Variants in MECOM observed in about 807,000 individuals in gnomAD.
The protein encoded by MECOM is MDS1 and EVI1 complex locus.
MECOM carries 13 observed loss-of-function variants against 116.3 expected under a neutral mutation model. The observed-to-expected ratio is 0.11, with a 90% confidence interval of 0.07 to 0.18. The LOEUF (loss-of-function observed/expected upper bound fraction) is 0.18, where lower values mean the gene tolerates loss of function less well. Among genes scored for constraint, MECOM ranks in the 10% least tolerant of loss-of-function variants. The probability of loss-of-function intolerance (pLI) is 1.00; values close to 1 mark genes in which losing one functional copy is unlikely to be tolerated. For missense variants in MECOM, 1,299 were observed against 1,509.0 expected (o/e 0.86, Z 2.31); for synonymous variants, 528 against 535.2 (o/e 0.99, Z 0.19).
At chr3:169,293,957 G>A (rs1438565497) in intron 2 of MECOM, among the ~76,000 whole-genome samples, 3 of 152,132 alleles carry the variant, frequency 2.0e-5, no homozygotes, top group Admixed American at 1.3e-4. Flanking sequence ...AATCATTCTT[G>A]CATTTTCTAT....
chr3:169,148,434 C>A (rs1418912290), intron 2 of MECOM, among the ~76,000 whole-genome samples: 6 of 152,034 alleles, frequency 3.9e-5, no homozygotes, highest in African/African-American at 1.2e-4. Context: ...ACAGGGGATA[C>A]ATAGCAAAAC....
intron 3 of MECOM, among the ~76,000 whole-genome samples, chr3:169,138,786 ATAGC>A: frequency 6.6e-6 from 1 of 152,164 alleles, no homozygotes; most frequent in East Asian, 1.9e-4. Flanking sequence ...TGCAGTATAC[ATAGC>A]TAATCTACCT....
chr3:169,527,194 T>C (rs1472582806), intron 1 of MECOM, among the ~76,000 whole-genome samples: 1 of 152,124 alleles, frequency 6.6e-6, no homozygotes, highest in Non-Finnish European at 1.5e-5. Context: ...AACCTTTGTA[T>C]GTTGGAGAAG....
At chr3:169,349,756 G>A (rs1214239323) in intron 2 of MECOM, among the ~76,000 whole-genome samples, 1 of 151,922 alleles carries the variant, frequency 6.6e-6, no homozygotes, top group African/African-American at 2.4e-5. Context: ...GAAAAATGCA[G>A]AAGAATGAAC....
chr3:169,112,079 T>C (rs2149042582), intron 9 of MECOM, among the ~76,000 whole-genome samples: 1 of 152,312 alleles, frequency 6.6e-6, no homozygotes, highest in Admixed American at 6.5e-5. Context: ...AAGATGTTTA[T>C]ATACCGTATT....
At chr3:169,270,395 CTATCTATA>C (rs1320461996) in intron 2 of MECOM, among the ~76,000 whole-genome samples, 1 of 151,966 alleles carries the variant, frequency 6.6e-6, no homozygotes, top group African/African-American at 2.4e-5. Context: ...ATCTATCTAT[CTATCTATA>C]TATACTTATA....
chr3:169,305,437 G>T (rs1717496672), intron 2 of MECOM, among the ~76,000 whole-genome samples: 1 of 152,056 alleles, frequency 6.6e-6, no homozygotes, highest in Admixed American at 6.6e-5. Flanking sequence ...CCCAACACAA[G>T]GAAGCCCAAA....
intron 1 of MECOM, among the ~76,000 whole-genome samples, chr3:169,517,753 G>T (rs1756818861): frequency 1.3e-5 from 2 of 152,130 alleles, no homozygotes; most frequent in African/African-American, 4.8e-5. Flanking sequence ...AAAGCCCAAG[G>T]ATTTCCATCC....
intron 1 of MECOM, among the ~76,000 whole-genome samples, chr3:169,495,932 T>C (rs533399477): frequency 1.3e-5 from 2 of 152,324 alleles, no homozygotes; most frequent in African/African-American, 4.8e-5. Context: ...TCATGAGCTA[T>C]ACCTGTAAAG....
chr3:169,663,507 T>G lies in MECOM; in HGVS notation c.-135A>C. 2 of 672,608 alleles carry G rather than the reference T, an allele frequency of 3.0e-6. No homozygotes were observed. Among genetic ancestry groups the G allele is most frequent in the South Asian group, 1.8e-5 (1 of 54,468 alleles). The allele number at this position is 672,608 out of a possible 1,614,324, so 41.7% of individuals were successfully genotyped here. ...CTCTCTCTCTCTCTCTCTCTCTCTC[T>G]CTCTCTCTCTCTCTCTCTCTCTCCC... On this transcript the variant is annotated 5_prime_UTR_variant, in exon 1 of 17. Coordinates refer to ENST00000651503, the MANE Select transcript of MECOM (RefSeq NM_004991.4).
At chr3:169,239,659 T>A (rs1022009065) in intron 2 of MECOM, among the ~76,000 whole-genome samples, 3 of 152,066 alleles carry the variant, frequency 2.0e-5, no homozygotes, top group Non-Finnish European at 4.4e-5. Flanking sequence ...AGCTTACCAT[T>A]TCTGTGTCAT....
intron 1 of MECOM, among the ~76,000 whole-genome samples, chr3:169,502,579 G>T (rs9861227): frequency 6.6e-6 from 1 of 152,062 alleles, no homozygotes; most frequent in Non-Finnish European, 1.5e-5. Context: ...ACCCAGAGTT[G>T]CTCAATGAAC....
At chr3:169,175,826 C>T (rs1250589716) in intron 2 of MECOM, among the ~76,000 whole-genome samples, 1 of 152,120 alleles carries the variant, frequency 6.6e-6, no homozygotes, top group Non-Finnish European at 1.5e-5. Context: ...TCTTCTCTTC[C>T]TTCTATGGCA....
chr3:169,300,128 G>A (rs1268917513), intron 2 of MECOM, among the ~76,000 whole-genome samples: 4 of 152,132 alleles, frequency 2.6e-5, no homozygotes, highest in African/African-American at 7.2e-5. Context: ...TCAGATTTAT[G>A]TCAGCCTAAG....
chr3:169,454,199 A>G (rs565682546), intron 1 of MECOM, among the ~76,000 whole-genome samples: 1 of 152,302 alleles, frequency 6.6e-6, no homozygotes, highest in East Asian at 1.9e-4. Flanking sequence ...CAAGCGAGTA[A>G]TTTGTCATAC....
At chr3:169,463,658 G>A (rs1747811815) in intron 1 of MECOM, among the ~76,000 whole-genome samples, 1 of 152,130 alleles carries the variant, frequency 6.6e-6, no homozygotes, top group African/African-American at 2.4e-5. Flanking sequence ...GAGAAATTCT[G>A]TGTAACTTGT....
At chr3:169,461,662 G>A (rs555674660) in intron 1 of MECOM, among the ~76,000 whole-genome samples, 1 of 152,046 alleles carries the variant, frequency 6.6e-6, no homozygotes, top group African/African-American at 2.4e-5. Context: ...CTCCATTTTT[G>A]AAAAAATAAA....
chr3:169,321,181 A>C (rs1243982228), intron 2 of MECOM, among the ~76,000 whole-genome samples: 2 of 152,242 alleles, frequency 1.3e-5, no homozygotes, highest in Admixed American at 6.5e-5. Flanking sequence ...TATTGGACAA[A>C]AAATATAAAC....
chr3:169,637,127 C>A (rs1024424728), intron 1 of MECOM, among the ~76,000 whole-genome samples: 1 of 152,180 alleles, frequency 6.6e-6, no homozygotes, highest in African/African-American at 2.4e-5. Flanking sequence ...AGCCACTGTG[C>A]TGTTAGAAGC....
Sources: allele counts gnomAD v4.1 joint callset (sites outside exome capture counted in the v4.1 genomes callset), GRCh38; gene constraint gnomAD v4.1.1; transcripts MANE v1.5; gene names NCBI Gene and HGNC (gene_info 2026-07-23, HGNC 2026-07-21).